The following TMCC3 variants were observed in gnomAD, a reference collection of about 807,000 sequenced individuals.
TMCC3 encodes the protein transmembrane and coiled-coil domain protein 3.
In TMCC3, 28 loss-of-function variants were observed where a neutral mutation model predicts 40.2. The ratio of observed to expected loss-of-function variants is 0.70; its 90% confidence interval spans 0.52 to 0.95. TMCC3 has a LOEUF of 0.95. TMCC3 is among the 40% of genes least tolerant of loss of function. The pLI is 0.00. For synonymous variants in TMCC3, 255 were observed against 248.5 expected, an observed-to-expected ratio of 1.03 and a Z score of -0.25; for missense variants, 554 against 615.2, an observed-to-expected ratio of 0.90 and a Z score of 1.05.
At chr12:94,620,590 T>C (rs1487693662) in intron 1 of TMCC3, among the ~76,000 whole-genome samples, 2 of 151,954 alleles carry the variant, frequency 1.3e-5, no homozygotes, top group African/African-American at 4.8e-5. Flanking sequence ...GCAGGGCCTG[T>C]GGAATTTTTT....
intron 1 of TMCC3, among the ~76,000 whole-genome samples, chr12:94,640,926 G>A (rs1018664824): frequency 6.6e-6 from 1 of 152,220 alleles, no homozygotes; most frequent in Admixed American, 6.5e-5. Context: ...GGGGCCAGGT[G>A]CAGTGGCTCA....
rs2068915728 is a variant in TMCC3 at position 94,628,530 on chromosome 12, A to G, written c.78+21823T>C. 2.0e-5 allele frequency among the ~76,000 whole-genome samples: 3 copies of G among 152,358 alleles called. No individual in the cohort carries two copies. In the East Asian group the frequency reaches 5.8e-4, roughly 29 times the overall value. On this transcript the variant is annotated intron_variant, in intron 1 of 3. Coordinates refer to ENST00000261226, the MANE Select transcript of TMCC3 (RefSeq NM_020698.4). The stretch of plus-strand genomic sequence containing the variant: ...CAAAGGGTGAACTCTGAACCTGCCT[A>G]CAGAATGACTGGCAGGAGTGAGCTA...
intron 1 of TMCC3, among the ~76,000 whole-genome samples, chr12:94,614,890 G>A (rs1487503906): frequency 1.3e-5 from 2 of 151,706 alleles, no homozygotes; most frequent in East Asian, 3.9e-4. Context: ...AGCCTCCCGA[G>A]TAGCTGGGAT....
intron 1 of TMCC3, among the ~76,000 whole-genome samples, chr12:94,614,228 C>T (rs12823314): frequency 0.05 from 7,537 of 151,990 alleles, 217 homozygotes; most frequent in South Asian, 0.14. Context: ...ATACTTAACT[C>T]GTTGGGTAAT....
chr12:94,578,483 G>A lies in TMCC3; in HGVS notation c.1042C>T (p.Gln348Ter). Residue 348 changes from glutamine (Q) to a stop codon, truncating the protein, a stop_gained, in exon 3 of 4, where the codon CAG (glutamine) becomes TAG (stop). Coordinates refer to ENST00000261226, the MANE Select transcript of TMCC3 (RefSeq NM_020698.4). LOFTEE classifies it high-confidence loss of function. ...TGCTTCAGGTTGGCTGTCTCATGCT[G>A]ATGCAGGTCCGTCAGGTCATGCAGC... is the stretch of plus-strand genomic sequence containing the variant. ...DQLHDLTDLHQHETANLKQEL... is the reference protein window; with the variant it reads ...DQLHDLTDLH 1 of 1,614,186 alleles carries A rather than the reference G, an allele frequency of 6.2e-7. No homozygotes were observed. Among genetic ancestry groups the A allele is most frequent in the Non-Finnish European group, 8.5e-7 (1 of 1,180,030 alleles).
At chr12:94,601,131 T>C (rs1393432226) in intron 1 of TMCC3, among the ~76,000 whole-genome samples, 1 of 152,242 alleles carries the variant, frequency 6.6e-6, no homozygotes, top group Admixed American at 6.5e-5. Flanking sequence ...AGCTACCTAA[T>C]TTTCTGGACA....
chr12:94,567,172 G>A lies in TMCC3; in HGVS notation c.*4263C>T, dbSNP rs927771068. The A allele has an allele frequency of 6.6e-6, 1 of 152,156 alleles. No individual in the cohort carries two copies. The highest frequency in any genetic ancestry group is 2.4e-5 in the African/African-American group (1 of 41,428). 9.4% of individuals were successfully genotyped at this position (152,156 alleles called of 1,614,324 possible). A position where few individuals can be genotyped will look rare whatever the true frequency, so the allele number is the denominator to read the frequency against. On this transcript the variant is annotated 3_prime_UTR_variant, in exon 4 of 4. Coordinates refer to ENST00000261226, the MANE Select transcript of TMCC3 (RefSeq NM_020698.4). The stretch of plus-strand genomic sequence containing the variant: ...TATTTAACACCAAAGCTAACATCAA[G>A]TGTTTATTTAAAAAAATAATGGCAC...
At chr12:94,578,146 CAAAAAA>C (rs1183420863) in intron 3 of TMCC3, among the ~76,000 whole-genome samples, 2 of 34,854 alleles carry the variant, frequency 5.7e-5, no homozygotes, top group South Asian at 1.2e-3. Flanking sequence ...AGACTCACCT[CAAAAAA>C]AAAAAAAAAA....
chr12:94,588,172 C>A (rs74879321), intron 1 of TMCC3, among the ~76,000 whole-genome samples: 1 of 152,154 alleles, frequency 6.6e-6, no homozygotes, highest in Non-Finnish European at 1.5e-5. Context: ...ACCACCAGTG[C>A]GGCTTGGACA....
At chr12:94,637,855 G>C (rs1222193539) in intron 1 of TMCC3, among the ~76,000 whole-genome samples, 1 of 152,174 alleles carries the variant, frequency 6.6e-6, no homozygotes, top group Non-Finnish European at 1.5e-5. Flanking sequence ...AAGTCCCACA[G>C]TACAATTTCA....
chr12:94,642,134 C>T (rs1304139469), intron 1 of TMCC3, among the ~76,000 whole-genome samples: 2 of 152,128 alleles, frequency 1.3e-5, no homozygotes, highest in African/African-American at 4.8e-5. Flanking sequence ...TTTAAATTCT[C>T]ATTCCACCCC....
intron 1 of TMCC3, among the ~76,000 whole-genome samples, chr12:94,593,434 G>GAAGA (rs780997868): frequency 0.033 from 737 of 22,504 alleles, 149 homozygotes; most frequent in East Asian, 0.18. Flanking sequence ...GAAGAAGAAG[G>GAAGA]AGAAGGAGAA....
chr12:94,593,756 C>T (rs12580817), intron 1 of TMCC3, among the ~76,000 whole-genome samples: 54,353 of 151,842 alleles, frequency 0.36, 9,954 homozygotes, highest in Admixed American at 0.44. Context: ...TTGAGTTACA[C>T]GCACTTAAAA....
intron 1 of TMCC3, among the ~76,000 whole-genome samples, chr12:94,625,875 TGAGA>T (rs2068901945): frequency 6.6e-6 from 1 of 152,212 alleles, no homozygotes; most frequent in South Asian, 2.1e-4. Context: ...CGCATTTGTT[TGAGA>T]TTTTCATAAT....
chr12:94,625,593 CAAAA>C (rs540684724), intron 1 of TMCC3, among the ~76,000 whole-genome samples: 3 of 105,060 alleles, frequency 2.9e-5, no homozygotes, highest in Non-Finnish European at 5.6e-5. Context: ...GACTCCATCT[CAAAA>C]AAAAAAAAAA....
At chr12:94,598,889 G>T in intron 1 of TMCC3, 1 of 589,388 alleles carries the variant, frequency 1.7e-6, no homozygotes, top group Non-Finnish European at 2.1e-6. Flanking sequence ...ACCTAAGTCT[G>T]TATTTGGGTT....
chr12:94,599,817 A>C (rs1370484949), intron 1 of TMCC3, among the ~76,000 whole-genome samples: 4 of 152,212 alleles, frequency 2.6e-5, no homozygotes, highest in Admixed American at 6.5e-5. Context: ...AAACAAGAGA[A>C]AATCGTATTA....
Position 94,569,639 on chromosome 12 carries a change from T to C in TMCC3, c.*1796A>G, listed in dbSNP as rs575598373. Reference sequence around the variant, plus strand: ...TGAATTTACTAAAACCACTCAATTGTACGCTTAAAAAAAAAAGCAAGCTTG... The same window carrying C: ...TGAATTTACTAAAACCACTCAATTGCACGCTTAAAAAAAAAAGCAAGCTTG... On this transcript the variant is annotated 3_prime_UTR_variant, in exon 4 of 4. Transcript: ENST00000261226. 22 of 152,290 alleles carry C rather than the reference T, an allele frequency of 1.4e-4. No homozygotes were observed. The highest frequency in any genetic ancestry group is 4.6e-4 in the African/African-American group (19 of 41,568). The allele number at this position is 152,290 out of a possible 1,614,324, so 9.4% of individuals were successfully genotyped here. A position where few individuals can be genotyped will look rare whatever the true frequency, so the allele number is the denominator to read the frequency against.
At chr12:94,634,331 G>A (rs535910066) in intron 1 of TMCC3, among the ~76,000 whole-genome samples, 6 of 151,986 alleles carry the variant, frequency 3.9e-5, no homozygotes, top group African/African-American at 1.4e-4. Context: ...ATGAGGGTTG[G>A]GAAGGATCAA....
Sources: allele counts gnomAD v4.1 joint callset (sites outside exome capture counted in the v4.1 genomes callset), GRCh38; gene constraint gnomAD v4.1.1; transcripts MANE v1.5; gene names NCBI Gene and HGNC (gene_info 2026-07-23, HGNC 2026-07-21).